The following UGT1A10 variants were observed in gnomAD, a reference collection of about 807,000 sequenced individuals.
The protein encoded by UGT1A10 is UDP glucuronosyltransferase family 1 member A10.
A neutral mutation model predicts 45.8 loss-of-function variants in UGT1A10; 49 were observed. That is an observed-to-expected ratio of 1.07 (90% CI 0.85 to 1.36). The LOEUF is 1.36. Ranked by LOEUF, UGT1A10 falls within the 40% of genes most tolerant of loss-of-function variation. The pLI is 0.00. For missense variants in UGT1A10, 745 were observed against 668.6 expected, an observed-to-expected ratio of 1.11 and a Z score of -1.26; for synonymous variants, 284 against 249.7, an observed-to-expected ratio of 1.14 and a Z score of -1.29.
At chr2:233,755,943 TC>T (rs1252557190) in intron 1 of UGT1A10, 1 of 62,766 alleles carries the variant, frequency 1.6e-5, no homozygotes, top group African/African-American at 8.0e-5. Context: ...TTTTTGCATC[TC>T]TCTCTTTAGT....
At chr2:233,666,801 C>A (rs1251197267) in intron 1 of UGT1A10, among the ~76,000 whole-genome samples, 1 of 131,770 alleles carries the variant, frequency 7.6e-6, no homozygotes, top group Admixed American at 7.9e-5. Context: ...CCTCCCCCCT[C>A]CCCCAATCCC....
At chr2:233,719,382 C>G in intron 1 of UGT1A10, 2 of 1,613,952 alleles carry the variant, frequency 1.2e-6, no homozygotes, top group Middle Eastern at 1.7e-4. Flanking sequence ...CACACAGTGT[C>G]CAAATCCTTC....
At chr2:233,742,102 G>T (rs1682785139) in intron 1 of UGT1A10, 1 of 151,856 alleles carries the variant, frequency 6.6e-6, no homozygotes, top group South Asian at 2.1e-4. Context: ...AGGACCCACT[G>T]CCAAGACCAG....
intron 1 of UGT1A10, among the ~76,000 whole-genome samples, chr2:233,696,402 G>A (rs1269862179): frequency 6.6e-6 from 1 of 152,092 alleles, no homozygotes; most frequent in Non-Finnish European, 1.5e-5. Flanking sequence ...TTTTGTAAAT[G>A]GGGTTGATTT....
intron 1 of UGT1A10, among the ~76,000 whole-genome samples, chr2:233,703,264 TTC>T (rs371511491): frequency 1.3e-5 from 2 of 152,208 alleles, no homozygotes; most frequent in African/African-American, 4.8e-5. Flanking sequence ...TTATAATACT[TTC>T]TGTTTCTGTA....
intron 1 of UGT1A10, among the ~76,000 whole-genome samples, chr2:233,679,551 TTTTG>T (rs1047606927): frequency 6.6e-6 from 1 of 152,154 alleles, no homozygotes; most frequent in Non-Finnish European, 1.5e-5. Context: ...TCATCTTTTT[TTTTG>T]TTTGTTTGTT....
chr2:233,657,468 T>C (rs1025516515), intron 1 of UGT1A10, among the ~76,000 whole-genome samples: 5 of 151,838 alleles, frequency 3.3e-5, no homozygotes, highest in African/African-American at 1.2e-4. Context: ...AAAGGAGGGG[T>C]TGCCAGGATC....
chr2:233,637,451 G>A (rs2073327765), intron 1 of UGT1A10, 74 bp downstream of exon 1: 3 of 1,511,920 alleles, frequency 2.0e-6, no homozygotes. Context: ...TTACTGAACT[G>A]TGATTTGACA....
At chr2:233,733,441 G>A (rs189365163) in intron 1 of UGT1A10, among the ~76,000 whole-genome samples, 194 of 152,182 alleles carry the variant, frequency 1.3e-3, no homozygotes, top group Non-Finnish European at 1.4e-3. Context: ...TATTGGCTGC[G>A]GGTTTGTCAT....
Position 233,718,873 on chromosome 2 carries a change from T to A in UGT1A10, c.856-48161T>A, listed in dbSNP as rs139927449. ...CCGCGGCTGGCCACAGGACTGCTGC[T>A]CCTCCTCAGTGTCCAGCCCTGGGCT... On this transcript the variant is annotated intron_variant, in intron 1 of 4. Transcript: ENST00000344644. 339 of 1,613,914 alleles carry A rather than the reference T, an allele frequency of 2.1e-4. 1 individual carries two copies. Among genetic ancestry groups the A allele is most frequent in the Non-Finnish European group, 8.0e-5 (94 of 1,179,916 alleles).
intron 1 of UGT1A10, among the ~76,000 whole-genome samples, chr2:233,717,169 G>A (rs976898395): frequency 6.6e-6 from 1 of 152,210 alleles, no homozygotes; most frequent in African/African-American, 2.4e-5. Flanking sequence ...CCCCTTGAAT[G>A]TGGCAAGAGC....
rs144684818 is a variant in UGT1A10, at chr2:233,763,987, G to A, written c.856-3047G>A. On this transcript the variant is annotated intron_variant, in intron 1 of 4. Transcript: ENST00000344644. ...GATATATGTGGGTTACTGGGAATGC[G>A]TGATGGTGAAGTCACAGATGACCCA... 4.9e-3 allele frequency among the ~76,000 whole-genome samples: 743 copies of A among 152,304 alleles called. 10 individuals are homozygous for A. The highest frequency in any genetic ancestry group is 0.017 in the African/African-American group (695 of 41,566).
rs778641747 is a variant in UGT1A10 at position 233,768,443 on chromosome 2, A to G, written c.1295+4A>G. 8.1e-6 allele frequency: 13 copies of G among 1,613,284 alleles called. No homozygotes were observed. In the South Asian group the frequency reaches 1.4e-4, roughly 18 times the overall value. On this transcript the variant is annotated splice_donor_region_variant and intron_variant, in intron 4 of 4. Transcript: ENST00000344644. Reference sequence around the variant, plus strand: ...AAGCAGTCATCAATGACAAAAGGTAAGAAAGAAGATACAGAAGAATACTTT... The same window carrying G: ...AAGCAGTCATCAATGACAAAAGGTAGGAAAGAAGATACAGAAGAATACTTT...
At chr2:233,650,396 T>A (rs530174587) in intron 1 of UGT1A10, among the ~76,000 whole-genome samples, 1 of 152,362 alleles carries the variant, frequency 6.6e-6, no homozygotes, top group South Asian at 2.1e-4. Flanking sequence ...TTTGTCAGAA[T>A]TGTGTAAACT....
rs2126036602 is a variant in UGT1A10 at position 233,768,050 on chromosome 2, C to G, written c.1075+114C>G. On this transcript the variant is annotated intron_variant, in intron 3 of 4. Transcript: ENST00000344644. ...TTGAAAATATTATGGCCAACATATC[C>G]TACATTGCTTTTTATCTAGTGGGGT... 3 of 1,606,318 alleles carry G rather than the reference C, an allele frequency of 1.9e-6. No individual in the cohort carries two copies. In the Middle Eastern group the frequency reaches 5.0e-4, roughly 265 times the overall value.
chr2:233,644,691 C>A (rs1272150325), intron 1 of UGT1A10, among the ~76,000 whole-genome samples: 5 of 152,196 alleles, frequency 3.3e-5, no homozygotes, highest in African/African-American at 1.2e-4. Context: ...CCAATTGTCT[C>A]CCACCAGGGC....
chr2:233,693,288 G>C (rs763435448), intron 1 of UGT1A10: 20 of 1,614,002 alleles, frequency 1.2e-5, no homozygotes, highest in African/African-American at 2.7e-5. Flanking sequence ...CAATCATTTG[G>C]AAACAATCAC....
intron 1 of UGT1A10, among the ~76,000 whole-genome samples, chr2:233,756,693 T>C (rs1305461555): frequency 6.6e-6 from 1 of 152,168 alleles, no homozygotes; most frequent in East Asian, 1.9e-4. Context: ...ATAATGACGA[T>C]GAATTTTGGG....
At chr2:233,705,180 T>G (rs1217775980) in intron 1 of UGT1A10, among the ~76,000 whole-genome samples, 1 of 151,938 alleles carries the variant, frequency 6.6e-6, no homozygotes, top group East Asian at 1.9e-4. Context: ...AGGGGAAGTA[T>G]GCATTGGTAC....
Sources: gnomAD v4.1 joint callset for allele counts (sites outside exome capture counted in the v4.1 genomes callset) on GRCh38, gnomAD v4.1.1 for gene constraint, MANE v1.5 for transcripts, NCBI Gene and HGNC (gene_info 2026-07-23, HGNC 2026-07-21) for gene names.